Variants in SNX29 observed in about 807,000 individuals in gnomAD.
SNX29 encodes the protein sorting nexin-29.
Under a neutral mutation model 102.1 loss-of-function variants are expected in SNX29, and 78 were observed. The observed-to-expected ratio is 0.76, with a 90% CI of 0.64 to 0.92. The LOEUF (loss-of-function observed/expected upper bound fraction) is 0.92, where lower values mean the gene tolerates loss of function less well. SNX29 is among the 40% of genes least tolerant of loss of function. The pLI, the probability that SNX29 is intolerant of heterozygous loss-of-function variation, is 0.00. For missense variants in SNX29, 1,280 were observed against 1,061.7 expected (o/e 1.21, Z -2.86); for synonymous variants, 580 against 414.5 (o/e 1.40, Z -4.85).
intron 14 of SNX29, among the ~76,000 whole-genome samples, chr16:12,269,837 C>CCAT (rs201886063): frequency 0.055 from 7,098 of 129,252 alleles, 321 homozygotes; most frequent in South Asian, 0.26. Flanking sequence ...ATCATCATCA[C>CCAT]CATCATCATC....
chr16:12,323,971 G>GT (rs1304333234), intron 15 of SNX29, among the ~76,000 whole-genome samples: 1 of 152,166 alleles, frequency 6.6e-6, no homozygotes, highest in Admixed American at 6.5e-5. Context: ...GAGATTGATT[G>GT]TAAGTGTTCT....
intron 18 of SNX29, among the ~76,000 whole-genome samples, chr16:12,441,225 C>G (rs9939671): frequency 0.26 from 39,624 of 151,152 alleles, 5,622 homozygotes; most frequent in African/African-American, 0.38. Flanking sequence ...GTAGTTGGGA[C>G]TACAGGCGCC....
intron 20 of SNX29, among the ~76,000 whole-genome samples, chr16:12,560,063 A>G (rs1318790304): frequency 1.3e-5 from 2 of 152,058 alleles, no homozygotes; most frequent in Non-Finnish European, 2.9e-5. Flanking sequence ...CTAGAAAACT[A>G]TGTAACTACT....
chr16:12,503,702 T>A (rs1674981393), intron 19 of SNX29, among the ~76,000 whole-genome samples: 1 of 152,154 alleles, frequency 6.6e-6, no homozygotes, highest in Admixed American at 6.5e-5. Flanking sequence ...CTCCGTCACT[T>A]TTTTTCTGTG....
intron 11 of SNX29, among the ~76,000 whole-genome samples, chr16:12,097,638 T>A (rs1233827695): frequency 6.6e-6 from 1 of 152,188 alleles, no homozygotes; most frequent in East Asian, 1.9e-4. Context: ...TTAATTTGTT[T>A]ACAGACTTTC....
chr16:12,556,959 C>T (rs551642845), intron 20 of SNX29, among the ~76,000 whole-genome samples: 1 of 151,020 alleles, frequency 6.6e-6, no homozygotes, highest in African/African-American at 2.4e-5. Context: ...CTCAGTCTTC[C>T]CACTTCTGCC....
At chr16:12,154,746 A>T (rs1307219594) in intron 13 of SNX29, among the ~76,000 whole-genome samples, 1 of 152,180 alleles carries the variant, frequency 6.6e-6, no homozygotes, top group Non-Finnish European at 1.5e-5. Context: ...CAGATGTGGT[A>T]TCTGGGGAGG....
intron 13 of SNX29, among the ~76,000 whole-genome samples, chr16:12,136,327 C>T (rs1299187625): frequency 6.6e-6 from 1 of 152,202 alleles, no homozygotes; most frequent in Non-Finnish European, 1.5e-5. Context: ...CTTTGGAGGG[C>T]CGTGTCCGAC....
chr16:12,221,203 A>G (rs900300577), intron 14 of SNX29, among the ~76,000 whole-genome samples: 1 of 151,798 alleles, frequency 6.6e-6, no homozygotes, highest in Admixed American at 6.6e-5. Context: ...CTTGGCACTG[A>G]TACGCAGCAG....
chr16:12,155,859 C>CA (rs2141623445), intron 13 of SNX29, among the ~76,000 whole-genome samples: 1 of 152,316 alleles, frequency 6.6e-6, no homozygotes, highest in Non-Finnish European at 1.5e-5. Context: ...CTAGAGATGG[C>CA]TGGGCCCATC....
chr16:12,474,792 C>A (rs542388229), intron 18 of SNX29, among the ~76,000 whole-genome samples: 1 of 152,258 alleles, frequency 6.6e-6, no homozygotes, highest in South Asian at 2.1e-4. Flanking sequence ...CGTGGTTTCC[C>A]TTGTGATGTA....
chr16:12,498,033 G>C (rs1447794608), intron 19 of SNX29, among the ~76,000 whole-genome samples: 1 of 152,224 alleles, frequency 6.6e-6, no homozygotes, highest in Non-Finnish European at 1.5e-5. Context: ...ATATCAAGGG[G>C]AGACAGCCTG....
rs377630747 is a variant in SNX29 at position 12,556,884 on chromosome 16, C to T, written c.2319-11622C>T. ...TTTTTTTTTTTTGAGATAGGGTCTC[C>T]GTCTGTCTCCTCACCTTGAGTGTAG... On this transcript the variant is annotated intron_variant, in intron 20 of 20. Coordinates refer to ENST00000566228, the MANE Select transcript of SNX29 (RefSeq NM_032167.5). 3.2e-4 allele frequency among the ~76,000 whole-genome samples: 49 copies of T among 151,934 alleles called. No individual in the cohort carries two copies. In the South Asian group the frequency reaches 3.5e-3, roughly 11 times the overall value.
chr16:12,380,622 ACC>A, intron 16 of SNX29, among the ~76,000 whole-genome samples: 1 of 99,094 alleles, frequency 1.0e-5, no homozygotes, highest in African/African-American at 4.0e-5. Context: ...CCATCCATCC[ACC>A]CACCCACCAT....
At chr16:12,530,255 AACAGCGCATCAC>A (rs1315981529) in intron 20 of SNX29, among the ~76,000 whole-genome samples, 7 of 152,162 alleles carry the variant, frequency 4.6e-5, no homozygotes, top group African/African-American at 1.7e-4. Flanking sequence ...GAGCTTTTAG[AACAGCGCATCAC>A]ACATAGTAAG....
intron 20 of SNX29, among the ~76,000 whole-genome samples, chr16:12,551,030 A>G (rs780631267): frequency 2.0e-5 from 3 of 152,192 alleles, no homozygotes; most frequent in Non-Finnish European, 2.9e-5. Flanking sequence ...ATGGGCTTCT[A>G]AACAAGGTGT....
Position 12,139,193 on chromosome 16 carries a change from T to TAAAAAA in SNX29, c.1595+9459_1595+9464dup, listed in dbSNP as rs34808071. Among the ~76,000 whole-genome samples the TAAAAAA allele has an allele frequency of 5.6e-4, 37 of 66,154 alleles. 4 individuals carry two copies. The highest frequency in any genetic ancestry group is 2.3e-3 in the African/African-American group (35 of 15,044). The allele number at this position is 66,154 out of a possible 152,430, so 43.4% of individuals were successfully genotyped here. On this transcript the variant is annotated intron_variant, in intron 13 of 20. Coordinates refer to ENST00000566228, the MANE Select transcript of SNX29 (RefSeq NM_032167.5). ...GAGCCTGGGCGATAGAGCGAGACTC[T>TAAAAAA]AAAAAAAAAAAAAAAAAAAAAAAAA...
intron 18 of SNX29, among the ~76,000 whole-genome samples, chr16:12,476,762 A>T (rs544772524): frequency 6.6e-6 from 1 of 151,964 alleles, no homozygotes; most frequent in Non-Finnish European, 1.5e-5. Flanking sequence ...GAGACATTCT[A>T]TGGTCGCCAT....
chr16:12,256,241 G>A (rs900021991), intron 14 of SNX29, among the ~76,000 whole-genome samples: 6 of 152,176 alleles, frequency 3.9e-5, no homozygotes, highest in African/African-American at 1.4e-4. Flanking sequence ...CTATTGAGTT[G>A]TTTGAGTTCC....
Sources: gnomAD v4.1 joint callset for allele counts (sites outside exome capture counted in the v4.1 genomes callset) on GRCh38, gnomAD v4.1.1 for gene constraint, MANE v1.5 for transcripts, NCBI Gene and HGNC (gene_info 2026-07-23, HGNC 2026-07-21) for gene names.